The following DCST2 variants were observed in gnomAD, a reference collection of about 807,000 sequenced individuals.
The protein encoded by DCST2 is DC-STAMP domain containing 2.
DCST2 carries 64 observed loss-of-function variants against 81.8 expected under a neutral mutation model. That is an observed-to-expected ratio of 0.78 (90% CI 0.64 to 0.96). The LOEUF (loss-of-function observed/expected upper bound fraction) is 0.96, where lower values mean the gene tolerates loss of function less well. Among genes scored for constraint, DCST2 ranks in the 40% least tolerant of loss-of-function variants. DCST2 has a pLI of 0.00. For synonymous variants in DCST2, 354 were observed against 402.6 expected (o/e 0.88, Z 1.44); for missense variants, 945 against 1,001.4 (o/e 0.94, Z 0.76).
intron 10 of DCST2, among the ~76,000 whole-genome samples, chr1:155,024,928 C>T (rs1421666644): frequency 6.6e-6 from 1 of 152,004 alleles, no homozygotes; most frequent in Non-Finnish European, 1.5e-5. Flanking sequence ...GCGGGTGGAT[C>T]ACCTGAGGTC....
chr1:155,023,967 A>G lies in DCST2; in HGVS notation c.1743-8T>C. On this transcript the variant is annotated splice_polypyrimidine_tract_variant and splice_region_variant and intron_variant, in intron 11 of 14. Coordinates refer to ENST00000368424, the MANE Select transcript of DCST2 (RefSeq NM_144622.3). The stretch of plus-strand genomic sequence containing the variant: ...GGACCTAGGCAGGGGCACCTGAGAA[A>G]AGGGTCACAGACACTAAGCAGGCCA... The G allele has an allele frequency of 6.2e-7, 1 of 1,611,824 alleles. No individual in the cohort carries two copies. Among genetic ancestry groups the G allele is most frequent in the Non-Finnish European group, 8.5e-7 (1 of 1,179,354 alleles).
chr1:155,026,790 G>C, intron 8 of DCST2, 75 bp from the exon 9 acceptor site: 1 of 1,573,750 alleles, frequency 6.4e-7, no homozygotes, highest in Non-Finnish European at 8.7e-7. Flanking sequence ...CTGGAATGAG[G>C]AAAGTGGAGC....
chr1:155,024,458 G>A lies in DCST2; in HGVS notation c.1742+14C>T. 1 of 1,591,862 alleles carries A rather than the reference G, an allele frequency of 6.3e-7. No homozygotes were observed. Among genetic ancestry groups the A allele is most frequent in the South Asian group, 1.2e-5 (1 of 86,906 alleles). Reference sequence around the variant, plus strand: ...CCTCTTGCCCCACCCCTATAGAAAAGACAGTGGCCTCACCGACTGGCCAGC... The same window carrying A: ...CCTCTTGCCCCACCCCTATAGAAAAAACAGTGGCCTCACCGACTGGCCAGC... On this transcript the variant is annotated intron_variant, in intron 11 of 14. Transcript: ENST00000368424.
Position 155,026,310 on chromosome 1 carries a change from G to C in DCST2, c.1603C>G (p.Arg535Gly). 6.2e-7 allele frequency: 1 copy of C among 1,613,684 alleles called. No homozygotes were observed. Among genetic ancestry groups the C allele is most frequent in the South Asian group, 1.1e-5 (1 of 91,070 alleles). Reference sequence around the variant, plus strand: ...AGCCCCGGACCCCTCACCTGCTCCCGGGATGGGTAGTAGGAGGCACAGATG... The same window carrying C: ...AGCCCCGGACCCCTCACCTGCTCCCCGGATGGGTAGTAGGAGGCACAGATG... Reference protein sequence around the residue: ...RVICASYYPSREQERISYLYN... With the variant: ...RVICASYYPSGEQERISYLYN... The change falls in exon 10 of 15, where the codon CGG becomes GGG. Residue 535 changes from arginine to glycine, a missense_variant. Transcript: ENST00000368424.
chr1:155,025,637 GT>G (rs1186420697), intron 10 of DCST2, among the ~76,000 whole-genome samples: 1 of 152,006 alleles, frequency 6.6e-6, no homozygotes, highest in Non-Finnish European at 1.5e-5. Flanking sequence ...CCGATGGTGA[GT>G]TTTTAATTAC....
intron 8 of DCST2, among the ~76,000 whole-genome samples, chr1:155,028,240 T>C (rs1659968131): frequency 6.6e-6 from 1 of 152,128 alleles, no homozygotes. Flanking sequence ...ACACATAATC[T>C]AATTTATTCC....
chr1:155,026,517 G>C (rs557270335), intron 9 of DCST2, 31 bp downstream of exon 9: 1 of 1,613,074 alleles, frequency 6.2e-7, no homozygotes, highest in Admixed American at 1.7e-5. Flanking sequence ...TGGTGTCCAC[G>C]CCCCCAGGGA....
chr1:155,033,375 C>T, intron 1 of DCST2, 59 bp downstream of exon 1: 1 of 1,593,770 alleles, frequency 6.3e-7, no homozygotes, highest in Non-Finnish European at 8.6e-7. Flanking sequence ...CCTCCAGCAT[C>T]TCTTCTGCCC....
At chr1:155,026,457 C>A (rs1044684999) in intron 9 of DCST2, 55 bp from the exon 10 acceptor site, 9 of 1,612,320 alleles carry the variant, frequency 5.6e-6, no homozygotes, top group Non-Finnish European at 7.6e-6. Context: ...TGCCAGCCCA[C>A]CCCTGGCGCC....
In DCST2 at chr1:155,033,491, C is replaced by A; in HGVS notation, c.211G>T (p.Gly71Ter). ...GTGGCTCGGACCTGGCGAGAGAATC[C>A]CATGCCCAGGCTAAGGAAGGCAGCC... Reference protein sequence around the residue: ...TLAAFLSLGMGFSRQVRATVL... With the variant: ...TLAAFLSLGM The change falls in exon 1 of 15, where the codon GGA becomes TGA. Residue 71 changes from glycine to a stop codon, truncating the protein, a stop_gained. Coordinates refer to ENST00000368424, the MANE Select transcript of DCST2 (RefSeq NM_144622.3). LOFTEE classifies it high-confidence loss of function. 1.2e-6 allele frequency: 2 copies of A among 1,613,974 alleles called. No homozygotes were observed. The highest frequency in any genetic ancestry group is 1.7e-6 in the Non-Finnish European group (2 of 1,179,940).
Position 155,023,913 on chromosome 1 carries a change from C to G in DCST2, c.1789G>C (p.Ala597Pro), listed in dbSNP as rs1422871027. Residue 597 changes from alanine (A) to proline (P), a missense_variant, in exon 12 of 15, where the codon GCC becomes CCC. Ala to Pro is a conservative substitution (Grantham distance 27, BLOSUM62 -1). Coordinates refer to ENST00000368424, the MANE Select transcript of DCST2 (RefSeq NM_144622.3). ...PFVSHFWLHQ[A>P]YCLGCGQPQD... Reference sequence around the variant, plus strand: ...GGCTGCCCACAGCCCAGGCAGTAGGCCTGATGCAGCCAAAAGTGGCTGACA... The same window carrying G: ...GGCTGCCCACAGCCCAGGCAGTAGGGCTGATGCAGCCAAAAGTGGCTGACA... 2 of 1,613,580 alleles carry G rather than the reference C, an allele frequency of 1.2e-6. No homozygotes were observed. Among genetic ancestry groups the G allele is most frequent in the Non-Finnish European group, 8.5e-7 (1 of 1,179,886 alleles).
intron 10 of DCST2, among the ~76,000 whole-genome samples, chr1:155,025,159 A>G (rs551319119): frequency 1.4e-3 from 207 of 151,624 alleles, no homozygotes; most frequent in Non-Finnish European, 2.3e-3. Context: ...AAAAAAAAAA[A>G]AAAAAAGAAA....
rs1306446057 is a variant in DCST2, at chr1:155,024,544, G to A, written c.1670C>T (p.Ala557Val). ...CCGCCGCCTCACTGATCGGTGCAGG[G>A]CAGCCAACAGATTGGTTCGGCGGCT... ...LLSRRTNLLA[A>V]LHRSVRRRAA... Residue 557 changes from alanine to valine, a missense_variant, in exon 11 of 15, where the codon GCC becomes GTC. Physicochemically the swap from Ala to Val is moderately conservative, Grantham distance 64 (BLOSUM62 0). Transcript: ENST00000368424. 1.2e-6 allele frequency: 2 copies of A among 1,610,270 alleles called. No homozygotes were observed. The highest frequency in any genetic ancestry group is 1.7e-6 in the Non-Finnish European group (2 of 1,178,280).
chr1:155,030,624 C>T lies in DCST2; in HGVS notation c.827G>A (p.Arg276Gln), dbSNP rs1210496117. 12 of 1,613,910 alleles carry T rather than the reference C, an allele frequency of 7.4e-6. No individual in the cohort carries two copies. The highest frequency in any genetic ancestry group is 1.7e-5 in the Admixed American group (1 of 59,990). ...IGTPVIQLLN[R>Q]VRQEFEFNMT... ...GTTGAACTCAAACTCCTGACGCACCCGGTTGAGCAACTGAATCACGGCTGG... is the reference window on the plus strand; with the variant it reads ...GTTGAACTCAAACTCCTGACGCACCTGGTTGAGCAACTGAATCACGGCTGG... The change falls in exon 6 of 15, where the codon CGG becomes CAG. Residue 276 changes from arginine to glutamine, a missense_variant. Transcript: ENST00000368424.
intron 10 of DCST2, among the ~76,000 whole-genome samples, chr1:155,025,545 G>T (rs1269120527): frequency 6.6e-6 from 1 of 151,862 alleles, no homozygotes; most frequent in Non-Finnish European, 1.5e-5. Flanking sequence ...GCCAGGATGG[G>T]CTCAATCTCT....
chr1:155,033,267 G>C lies in DCST2; in HGVS notation c.269-3C>G. 1 of 1,605,916 alleles carries C rather than the reference G, an allele frequency of 6.2e-7. No individual in the cohort carries two copies. Among genetic ancestry groups the C allele is most frequent in the Non-Finnish European group, 8.5e-7 (1 of 1,176,810 alleles). ...CAACAGTAGTGTCCGGCCCTGCCCTGGGGGCGACAGCTTTGTTAGAACCAA... is the reference window on the plus strand; with the variant it reads ...CAACAGTAGTGTCCGGCCCTGCCCTCGGGGCGACAGCTTTGTTAGAACCAA... On this transcript the variant is annotated splice_polypyrimidine_tract_variant and splice_region_variant and intron_variant, in intron 1 of 14. Coordinates refer to ENST00000368424, the MANE Select transcript of DCST2 (RefSeq NM_144622.3).
intron 7 of DCST2, 116 bp downstream of exon 7, chr1:155,029,968 C>G: frequency 6.8e-7 from 1 of 1,477,880 alleles, no homozygotes; most frequent in Admixed American, 2.2e-5. Flanking sequence ...CCCTCTGGCC[C>G]CTGCCCCAAG....
At position 155,029,297 on chromosome 1, in the gene DCST2, G is replaced by A; in HGVS notation, c.1278C>T (p.Asp426=). The change falls in exon 8 of 15, where the codon GAC becomes GAT. Residue 426 remains aspartate, a synonymous_variant. Coordinates refer to ENST00000368424, the MANE Select transcript of DCST2 (RefSeq NM_144622.3). ...GGTCAAGCACCCAGAAGACAGCATA[G>A]TCTAGGAAGACTAGGAACAGCACGA... ...LLLVLFLVFL[D]YAVFWVLDLA... is the part of the protein sequence containing the mutation. 9 of 1,614,126 alleles carry A rather than the reference G, an allele frequency of 5.6e-6. No homozygotes were observed. Among genetic ancestry groups the A allele is most frequent in the Non-Finnish European group, 6.8e-6 (8 of 1,180,006 alleles).
chr1:155,027,877 A>G (rs905030360), intron 8 of DCST2, among the ~76,000 whole-genome samples: 2 of 149,322 alleles, frequency 1.3e-5, no homozygotes, highest in Admixed American at 1.3e-4. Context: ...TTCTCAATTA[A>G]TGGCTTACCA....
Sources: allele counts gnomAD v4.1 joint callset (sites outside exome capture counted in the v4.1 genomes callset), GRCh38; gene constraint gnomAD v4.1.1; transcripts MANE v1.5; gene names NCBI Gene and HGNC (gene_info 2026-07-23, HGNC 2026-07-21).